PARD3: variants seen among roughly 807,000 people sequenced by gnomAD.
The protein encoded by PARD3 is partitioning defective 3 homolog.
Under a neutral mutation model 155.4 loss-of-function variants are expected in PARD3, and 75 were observed. The ratio of observed to expected loss-of-function variants is 0.48; its 90% CI spans 0.40 to 0.58. PARD3 has a LOEUF of 0.58. PARD3 is among the 20% of genes least tolerant of loss of function. The probability of loss-of-function intolerance (pLI) is 0.00; values close to 1 mark genes in which losing one functional copy is unlikely to be tolerated. For missense variants in PARD3, 1,642 were observed against 1,721.7 expected, an observed-to-expected ratio of 0.95 and a Z score of 0.82; for synonymous variants, 576 against 610.5, an observed-to-expected ratio of 0.94 and a Z score of 0.83.
At chr10:34,799,155 C>T (rs889831970) in intron 1 of PARD3, among the ~76,000 whole-genome samples, 3 of 152,186 alleles carry the variant, frequency 2.0e-5, no homozygotes, top group Admixed American at 1.3e-4. Context: ...GATTCTCCTG[C>T]CTCAGCCTCC....
chr10:34,401,991 A>T (rs941227828), intron 5 of PARD3, 74 bp from the exon 6 acceptor site: 16 of 1,153,300 alleles, frequency 1.4e-5, no homozygotes, highest in Middle Eastern at 1.9e-4. Flanking sequence ...GAAACTGGAT[A>T]AAATGGAAGT....
At chr10:34,135,657 C>T (rs142540784) in intron 22 of PARD3, among the ~76,000 whole-genome samples, 5 of 152,290 alleles carry the variant, frequency 3.3e-5, no homozygotes, top group African/African-American at 1.2e-4. Flanking sequence ...AAGCCTGCCC[C>T]GCACCTGTGC....
chr10:34,396,561 G>A (rs1364529415), intron 7 of PARD3, among the ~76,000 whole-genome samples: 1 of 152,092 alleles, frequency 6.6e-6, no homozygotes. Context: ...TTCGTTAGAT[G>A]CTCTGACTTT....
At chr10:34,806,344 C>T (rs1169022098) in intron 1 of PARD3, among the ~76,000 whole-genome samples, 6 of 151,928 alleles carry the variant, frequency 3.9e-5, no homozygotes, top group Non-Finnish European at 8.8e-5. Context: ...TATAGGTGTG[C>T]ACCACCATGC....
chr10:34,172,162 A>G (rs1949826992), intron 22 of PARD3, among the ~76,000 whole-genome samples: 2 of 152,088 alleles, frequency 1.3e-5, no homozygotes, highest in Non-Finnish European at 2.9e-5. Context: ...CGAATCAGAA[A>G]CATGTGGCTT....
At chr10:34,681,191 A>G (rs983897003) in intron 2 of PARD3, among the ~76,000 whole-genome samples, 3 of 152,166 alleles carry the variant, frequency 2.0e-5, no homozygotes, top group Admixed American at 1.3e-4. Flanking sequence ...GTAATTTTAT[A>G]TCTGTTAACT....
intron 3 of PARD3, among the ~76,000 whole-genome samples, chr10:34,513,880 C>T (rs1307162957): frequency 6.6e-6 from 1 of 152,140 alleles, no homozygotes; most frequent in Non-Finnish European, 1.5e-5. Context: ...CCAACTCCAC[C>T]AGTTGTCACA....
chr10:34,477,316 T>A (rs914528419), intron 3 of PARD3, among the ~76,000 whole-genome samples: 5 of 152,192 alleles, frequency 3.3e-5, no homozygotes, highest in Admixed American at 2.6e-4. Flanking sequence ...TCAAAGTATA[T>A]CCTCTGAAAT....
At chr10:34,600,747 G>C (rs1221940557) in intron 2 of PARD3, among the ~76,000 whole-genome samples, 4 of 152,074 alleles carry the variant, frequency 2.6e-5, no homozygotes, top group Non-Finnish European at 4.4e-5. Context: ...TTTTATTCAT[G>C]TAAGTTCTAA....
intron 2 of PARD3, among the ~76,000 whole-genome samples, chr10:34,654,620 A>T (rs531719808): frequency 6.6e-6 from 1 of 152,304 alleles, no homozygotes; most frequent in Admixed American, 6.5e-5. Flanking sequence ...AACCAATCAC[A>T]ATCTACTTCT....
rs77585329 is a variant in PARD3, at chr10:34,358,466, G to C, written c.2067+681C>G. ...CAATCCCATAGAGAAAGAGAAAATG[G>C]GGACTGAGGAAAGAGAGGGAGGTAT... On this transcript the variant is annotated intron_variant, in intron 14 of 24. Coordinates refer to ENST00000374788, the MANE Select transcript of PARD3 (RefSeq NM_001184785.2). 4.8e-3 allele frequency among the ~76,000 whole-genome samples: 727 copies of C among 152,220 alleles called. 18 individuals are homozygous for C. In the East Asian group the frequency reaches 0.061, roughly 13 times the overall value.
chr10:34,738,491 T>C (rs2094954829), intron 1 of PARD3, among the ~76,000 whole-genome samples: 1 of 145,548 alleles, frequency 6.9e-6, no homozygotes, highest in Admixed American at 7.0e-5. Flanking sequence ...CAGAATCCCA[T>C]TTTTAATAAG....
chr10:34,598,213 G>C (rs889903447), intron 2 of PARD3, among the ~76,000 whole-genome samples: 5 of 152,048 alleles, frequency 3.3e-5, no homozygotes, highest in African/African-American at 1.2e-4. Flanking sequence ...GAGGAACAAG[G>C]GATCTCTGAA....
chr10:34,642,820 C>T (rs756215334), intron 2 of PARD3, among the ~76,000 whole-genome samples: 2 of 152,134 alleles, frequency 1.3e-5, no homozygotes, highest in Non-Finnish European at 2.9e-5. Flanking sequence ...ACTACAGGGC[C>T]TCTTACCTGG....
chr10:34,726,017 A>G (rs1319671043), intron 1 of PARD3, among the ~76,000 whole-genome samples: 1 of 152,206 alleles, frequency 6.6e-6, no homozygotes, highest in Non-Finnish European at 1.5e-5. Flanking sequence ...TCCAGACTTA[A>G]GGGAGTGTAA....
At chr10:34,188,758 T>G (rs1375275747) in intron 22 of PARD3, among the ~76,000 whole-genome samples, 2 of 152,166 alleles carry the variant, frequency 1.3e-5, no homozygotes, top group African/African-American at 4.8e-5. Flanking sequence ...CTTTTTTTTT[T>G]TCCAGCAATG....
At chr10:34,623,862 T>C (rs2091837598) in intron 2 of PARD3, among the ~76,000 whole-genome samples, 1 of 149,954 alleles carries the variant, frequency 6.7e-6, no homozygotes. Flanking sequence ...GCACCTGTAG[T>C]CCCACCTACT....
Position 34,460,231 on chromosome 10 carries a change from G to A in PARD3, c.583-9783C>T, listed in dbSNP as rs557248003. ...GAAACTATTTCTGTCCTCCATTCAT[G>A]GCTAAAAACTACAATTTTAGAAAAT... On this transcript the variant is annotated intron_variant, in intron 4 of 24. Transcript: ENST00000374788. 5.9e-5 allele frequency among the ~76,000 whole-genome samples: 9 copies of A among 152,160 alleles called. No homozygotes were observed. The South Asian group carries it at 1.9e-3, about 32-fold the overall frequency.
intron 2 of PARD3, among the ~76,000 whole-genome samples, chr10:34,659,718 C>T (rs1434038929): frequency 6.6e-6 from 1 of 152,148 alleles, no homozygotes; most frequent in Non-Finnish European, 1.5e-5. Context: ...CCAAGCTCCA[C>T]TCAGGATAAT....
Sources: gnomAD v4.1 joint callset for allele counts (sites outside exome capture counted in the v4.1 genomes callset) on GRCh38, gnomAD v4.1.1 for gene constraint, MANE v1.5 for transcripts, NCBI Gene and HGNC (gene_info 2026-07-23, HGNC 2026-07-21) for gene names.